The following NKAIN2 variants were observed in gnomAD, a reference collection of about 807,000 sequenced individuals.
NKAIN2 encodes the protein sodium/potassium transporting ATPase interacting 2.
NKAIN2 carries 14 observed loss-of-function variants against 32.6 expected under a neutral mutation model. The observed-to-expected ratio is 0.43, with a 90% CI of 0.28 to 0.67. The LOEUF (loss-of-function observed/expected upper bound fraction) is 0.67, where lower values mean the gene tolerates loss of function less well. Ranked by LOEUF, NKAIN2 falls within the 30% of genes least tolerant of loss-of-function variation. The probability of loss-of-function intolerance (pLI) is 0.17; values close to 1 mark genes in which losing one functional copy is unlikely to be tolerated. For missense variants in NKAIN2, 198 were observed against 258.3 expected (o/e 0.77, Z 1.60); for synonymous variants, 80 against 87.2 (o/e 0.92, Z 0.46).
At chr6:124,354,352 G>C (rs78880134) in intron 2 of NKAIN2, among the ~76,000 whole-genome samples, 2,414 of 152,090 alleles carry the variant, frequency 0.016, 74 homozygotes, top group African/African-American at 0.056. Context: ...TTGCCTTCTG[G>C]ATGCTTCATA....
intron 4 of NKAIN2, among the ~76,000 whole-genome samples, chr6:124,710,583 A>T (rs1240235301): frequency 1.3e-5 from 2 of 151,858 alleles, no homozygotes; most frequent in Admixed American, 1.3e-4. Flanking sequence ...ACCATTATGT[A>T]ATGGCCTTCT....
intron 1 of NKAIN2, among the ~76,000 whole-genome samples, chr6:124,230,526 C>T (rs1286452500): frequency 6.6e-6 from 1 of 152,140 alleles, no homozygotes; most frequent in East Asian, 1.9e-4. Flanking sequence ...CAGACCCTGC[C>T]ATCAGCCCAG....
chr6:123,976,664 A>G (rs934422415), intron 1 of NKAIN2, among the ~76,000 whole-genome samples: 2 of 151,742 alleles, frequency 1.3e-5, no homozygotes, highest in Non-Finnish European at 2.9e-5. Context: ...TCTCTTTCAA[A>G]CACACCCTGC....
intron 1 of NKAIN2, among the ~76,000 whole-genome samples, chr6:124,098,826 C>T (rs1004754048): frequency 7.2e-5 from 11 of 152,012 alleles, no homozygotes; most frequent in East Asian, 1.9e-4. Flanking sequence ...GCCGAGATCA[C>T]GCCACTGCAC....
chr6:124,001,477 T>C (rs1293518813), intron 1 of NKAIN2, among the ~76,000 whole-genome samples: 1 of 152,014 alleles, frequency 6.6e-6, no homozygotes, highest in Non-Finnish European at 1.5e-5. Context: ...TTGTTTAAAA[T>C]TGATATCTGT....
chr6:124,591,346 G>A (rs1331702653), intron 3 of NKAIN2, among the ~76,000 whole-genome samples: 3 of 152,194 alleles, frequency 2.0e-5, no homozygotes, highest in Admixed American at 6.5e-5. Flanking sequence ...ATAAGTGTGA[G>A]GAGTGGAGAA....
At chr6:124,367,771 C>G (rs536220884) in intron 3 of NKAIN2, among the ~76,000 whole-genome samples, 1 of 152,086 alleles carries the variant, frequency 6.6e-6, no homozygotes, top group East Asian at 1.9e-4. Context: ...TTGATAATTG[C>G]GCATAAACAA....
intron 4 of NKAIN2, among the ~76,000 whole-genome samples, chr6:124,712,237 C>A (rs1284105852): frequency 6.8e-6 from 1 of 147,050 alleles, no homozygotes; most frequent in Middle Eastern, 3.2e-3. Context: ...CAGACAGGGA[C>A]ATTTAAGTCT....
chr6:123,870,877 G>T (rs1554217738), intron 1 of NKAIN2, among the ~76,000 whole-genome samples: 1 of 151,982 alleles, frequency 6.6e-6, no homozygotes, highest in Non-Finnish European at 1.5e-5. Context: ...CTTTACTAAA[G>T]TTATATATAT....
At chr6:124,189,374 A>T (rs1170089574) in intron 1 of NKAIN2, among the ~76,000 whole-genome samples, 2 of 152,112 alleles carry the variant, frequency 1.3e-5, no homozygotes, top group Non-Finnish European at 2.9e-5. Context: ...TACAAAAACA[A>T]CTGCTAACTG....
intron 4 of NKAIN2, among the ~76,000 whole-genome samples, chr6:124,765,240 C>T (rs576463069): frequency 5.9e-5 from 9 of 152,252 alleles, no homozygotes; most frequent in Middle Eastern, 3.4e-3. Flanking sequence ...TGCTTCTCTC[C>T]GTTCTGTAAG....
intron 1 of NKAIN2, among the ~76,000 whole-genome samples, chr6:123,941,439 G>C (rs2114555241): frequency 6.6e-6 from 1 of 151,684 alleles, no homozygotes; most frequent in African/African-American, 2.4e-5. Context: ...GCACAGATTT[G>C]TATACCGCAG....
chr6:124,697,401 G>A (rs1440551779), intron 4 of NKAIN2, among the ~76,000 whole-genome samples: 2 of 152,158 alleles, frequency 1.3e-5, no homozygotes, highest in East Asian at 3.8e-4. Flanking sequence ...CATTAACCAT[G>A]TAATACCTAA....
intron 3 of NKAIN2, among the ~76,000 whole-genome samples, chr6:124,412,646 G>A (rs1025752037): frequency 2.6e-5 from 4 of 152,186 alleles, no homozygotes; most frequent in African/African-American, 7.2e-5. Context: ...GAGGCAGTCT[G>A]CCCATTCTCA....
intron 1 of NKAIN2, among the ~76,000 whole-genome samples, chr6:124,045,640 T>G (rs1463462779): frequency 1.3e-5 from 2 of 152,062 alleles, no homozygotes; most frequent in African/African-American, 4.8e-5. Context: ...AACCTTTGTC[T>G]GCATTGAAAG....
Position 124,823,346 on chromosome 6 carries a change from C to A in NKAIN2, c.*117C>A. Reference sequence around the variant, plus strand: ...GAGTTTAAATACATACACGTATTAACAAAACAAATGCAAAGCCTCTACATA... The same window carrying A: ...GAGTTTAAATACATACACGTATTAAAAAAACAAATGCAAAGCCTCTACATA... On this transcript the variant is annotated 3_prime_UTR_variant, in exon 7 of 7. Coordinates refer to ENST00000368417, the MANE Select transcript of NKAIN2 (RefSeq NM_001040214.3). 1 of 779,870 alleles carries A rather than the reference C, an allele frequency of 1.3e-6. No individual in the cohort carries two copies. The highest frequency in any genetic ancestry group is 2.3e-6 in the Non-Finnish European group (1 of 428,840). 48.3% of individuals were successfully genotyped at this position (779,870 alleles called of 1,614,324 possible).
chr6:124,658,152 G>A, intron 3 of NKAIN2, 34 bp from the exon 4 acceptor site: 4 of 1,493,872 alleles, frequency 2.7e-6, no homozygotes, highest in Non-Finnish European at 3.6e-6. Flanking sequence ...CATTTATAAA[G>A]TAATTCTCAT....
At chr6:123,958,775 C>T (rs747460226) in intron 1 of NKAIN2, among the ~76,000 whole-genome samples, 3 of 152,184 alleles carry the variant, frequency 2.0e-5, no homozygotes, top group Admixed American at 6.5e-5. Context: ...TGAATCGCTA[C>T]GTCAACCTCA....
intron 4 of NKAIN2, among the ~76,000 whole-genome samples, chr6:124,724,436 G>C (rs2114640236): frequency 6.6e-6 from 1 of 152,298 alleles, no homozygotes; most frequent in Non-Finnish European, 1.5e-5. Flanking sequence ...TTCCACCCAA[G>C]GGTAAAATTA....
Sources: gnomAD v4.1 joint callset for allele counts (sites outside exome capture counted in the v4.1 genomes callset) on GRCh38, gnomAD v4.1.1 for gene constraint, MANE v1.5 for transcripts, NCBI Gene and HGNC (gene_info 2026-07-23, HGNC 2026-07-21) for gene names.